The following LHFPL2 variants were observed in gnomAD, a reference collection of about 807,000 sequenced individuals.
The protein encoded by LHFPL2 is LHFPL tetraspan subfamily member 2, also known as LHFPL tetraspan subfamily member 2 protein.
In LHFPL2, 7 loss-of-function variants were observed where a neutral mutation model predicts 17.5. The ratio of observed to expected loss-of-function variants is 0.40; its 90% CI spans 0.23 to 0.75. The LOEUF (loss-of-function observed/expected upper bound fraction) is 0.75. LHFPL2 is among the 30% of genes least tolerant of loss of function. The pLI is 0.37. For missense variants in LHFPL2, 241 were observed against 294.8 expected (o/e 0.82, Z 1.34); for synonymous variants, 134 against 116.2 (o/e 1.15, Z -0.99).
chr5:78,584,613 G>A (rs10474560), intron 2 of LHFPL2, among the ~76,000 whole-genome samples: 57,105 of 151,914 alleles, frequency 0.38, 11,456 homozygotes, highest in Middle Eastern at 0.47. Context: ...AGGGGTCAGG[G>A]ACCCACTTGA....
intron 2 of LHFPL2, among the ~76,000 whole-genome samples, chr5:78,606,777 C>G (rs1744227066): frequency 6.6e-6 from 1 of 152,136 alleles, no homozygotes. Context: ...CAGGTTCAAG[C>G]AATTCTCCTG....
chr5:78,505,637 G>GT (rs1393896516), intron 4 of LHFPL2, among the ~76,000 whole-genome samples: 1 of 152,190 alleles, frequency 6.6e-6, no homozygotes, highest in Non-Finnish European at 1.5e-5. Flanking sequence ...CCTACACACT[G>GT]TATTTGTGTT....
At chr5:78,542,994 C>T (rs533237732) in intron 3 of LHFPL2, among the ~76,000 whole-genome samples, 36 of 152,272 alleles carry the variant, frequency 2.4e-4, no homozygotes, top group Middle Eastern at 3.4e-3. Context: ...CCTGAAAAAT[C>T]GAGCTGCAAG....
At chr5:78,550,221 A>G (rs1451502909) in intron 3 of LHFPL2, among the ~76,000 whole-genome samples, 1 of 152,180 alleles carries the variant, frequency 6.6e-6, no homozygotes, top group Non-Finnish European at 1.5e-5. Flanking sequence ...TACTCCTTTG[A>G]AAAGAAAAGG....
chr5:78,489,135 C>G lies in LHFPL2; in HGVS notation c.449G>C (p.Gly150Ala), dbSNP rs1484519672. The G allele has an allele frequency of 6.2e-7, 1 of 1,613,990 alleles. No homozygotes were observed. Among genetic ancestry groups the G allele is most frequent in the Non-Finnish European group, 8.5e-7 (1 of 1,180,028 alleles). ...QGIAGLFLIL[G>A]LILYPAGWGC... Reference sequence around the variant, plus strand: ...CCAGCCAGCAGGGTAGAGTATCAAACCGAGGATAAGGAATAGACCTGCAGA... The same window carrying G: ...CCAGCCAGCAGGGTAGAGTATCAAAGCGAGGATAAGGAATAGACCTGCAGA... Residue 150 changes from glycine (G) to alanine (A), a missense_variant, in exon 5 of 5, where the codon GGT (glycine) becomes GCT (alanine). Coordinates refer to ENST00000380345, the MANE Select transcript of LHFPL2 (RefSeq NM_005779.3).
chr5:78,560,973 A>T (rs929240794), intron 3 of LHFPL2, among the ~76,000 whole-genome samples: 14 of 152,224 alleles, frequency 9.2e-5, no homozygotes, highest in Admixed American at 7.9e-4. Context: ...AGCATAAACT[A>T]ATTTTAATAA....
At chr5:78,513,719 T>C (rs373123720) in intron 3 of LHFPL2, among the ~76,000 whole-genome samples, 6 of 152,344 alleles carry the variant, frequency 3.9e-5, no homozygotes, top group East Asian at 1.9e-4. Context: ...GGTGGTTTTA[T>C]AAGGGGAACC....
intron 4 of LHFPL2, among the ~76,000 whole-genome samples, chr5:78,496,376 C>G (rs190745678): frequency 1.3e-3 from 193 of 152,354 alleles, no homozygotes; most frequent in African/African-American, 4.3e-3. Context: ...AGTTCATATT[C>G]TGTCTGTCTT....
intron 2 of LHFPL2, among the ~76,000 whole-genome samples, chr5:78,566,395 T>C (rs1158169827): frequency 6.6e-6 from 1 of 152,236 alleles, no homozygotes; most frequent in Non-Finnish European, 1.5e-5. Context: ...TCATTGGGTT[T>C]CACTTTAATA....
chr5:78,596,179 CATT>C (rs1433215407), intron 2 of LHFPL2, among the ~76,000 whole-genome samples: 1 of 152,166 alleles, frequency 6.6e-6, no homozygotes, highest in African/African-American at 2.4e-5. Context: ...TTCACAATAT[CATT>C]ATAATGTCTC....
At chr5:78,499,065 A>G (rs1236266934) in intron 4 of LHFPL2, among the ~76,000 whole-genome samples, 1 of 152,198 alleles carries the variant, frequency 6.6e-6, no homozygotes, top group African/African-American at 2.4e-5. Context: ...GACCAGCTTC[A>G]CATGCCATTT....
chr5:78,603,510 T>C (rs554589168), intron 2 of LHFPL2, among the ~76,000 whole-genome samples: 3 of 152,262 alleles, frequency 2.0e-5, no homozygotes, highest in African/African-American at 7.2e-5. Context: ...GTCCATACCC[T>C]TTACCAGAAA....
chr5:78,639,143 C>T (rs1299749710), intron 1 of LHFPL2, among the ~76,000 whole-genome samples: 1 of 152,096 alleles, frequency 6.6e-6, no homozygotes, highest in Non-Finnish European at 1.5e-5. Flanking sequence ...CAGGTGTACA[C>T]ACAAACTCTC....
intron 3 of LHFPL2, among the ~76,000 whole-genome samples, chr5:78,529,560 C>T (rs1755718398): frequency 6.6e-6 from 1 of 151,914 alleles, no homozygotes; most frequent in South Asian, 2.1e-4. Flanking sequence ...ATGTAGCATA[C>T]GGGAAGCGGA....
intron 3 of LHFPL2, among the ~76,000 whole-genome samples, chr5:78,525,388 A>T (rs1349806063): frequency 6.6e-6 from 1 of 152,266 alleles, no homozygotes; most frequent in East Asian, 1.9e-4. Flanking sequence ...TGTAATGCAC[A>T]GAGTAAGCAT....
At chr5:78,599,475 A>T (rs1403405125) in intron 2 of LHFPL2, among the ~76,000 whole-genome samples, 6 of 143,352 alleles carry the variant, frequency 4.2e-5, no homozygotes, top group African/African-American at 1.3e-4. Flanking sequence ...AATTTTTTGT[A>T]TTTTTTTTTT....
chr5:78,578,589 A>ATG (rs1561347913), intron 2 of LHFPL2, among the ~76,000 whole-genome samples: 8 of 48,556 alleles, frequency 1.6e-4, no homozygotes, highest in Non-Finnish European at 3.6e-4. Context: ...ATATGTGCAC[A>ATG]CACACACACA....
intron 4 of LHFPL2, among the ~76,000 whole-genome samples, chr5:78,489,358 T>C (rs749278660): frequency 1.4e-5 from 2 of 145,764 alleles, no homozygotes; most frequent in African/African-American, 2.4e-5. Flanking sequence ...CTTTTTTACA[T>C]GTTGGAATGT....
Position 78,496,480 on chromosome 5 carries a change from AAAAC to A in LHFPL2, c.431-7331_431-7328del, listed in dbSNP as rs533866822. On this transcript the variant is annotated intron_variant, in intron 4 of 4. Coordinates refer to ENST00000380345, the MANE Select transcript of LHFPL2 (RefSeq NM_005779.3). ...TTATAACATTTTTCTGAAAAAATAA[AAAAC>A]AAATCCCTCTAGTGTTTTGTGTTGG... Among the ~76,000 whole-genome samples, 186 of 152,344 alleles carry A rather than the reference AAAAC, an allele frequency of 1.2e-3. 1 individual carries two copies. The highest frequency in any genetic ancestry group is 4.2e-3 in the African/African-American group (173 of 41,562).
Sources: allele counts gnomAD v4.1 joint callset (sites outside exome capture counted in the v4.1 genomes callset), GRCh38; gene constraint gnomAD v4.1.1; transcripts MANE v1.5; gene names NCBI Gene and HGNC (gene_info 2026-07-23, HGNC 2026-07-21).